ABCA13: variants seen among roughly 807,000 people sequenced by gnomAD.
ABCA13 encodes ATP-binding cassette sub-family A member 13.
Under a neutral mutation model 478.7 loss-of-function variants are expected in ABCA13, and 476 were observed. The observed-to-expected ratio is 0.99, with a 90% CI of 0.92 to 1.07. The LOEUF (loss-of-function observed/expected upper bound fraction) is 1.07, where lower values mean the gene tolerates loss of function less well. Among genes scored for constraint, ABCA13 ranks in the 50% least tolerant of loss-of-function variants. The pLI is 0.00. For missense variants in ABCA13, 6,060 were observed against 5,910.6 expected, an observed-to-expected ratio of 1.03 and a Z score of -0.83; for synonymous variants, 2,252 against 2,158.9, an observed-to-expected ratio of 1.04 and a Z score of -1.20.
At chr7:48,521,783 A>G (rs1315053522) in intron 53 of ABCA13, among the ~76,000 whole-genome samples, 1 of 152,190 alleles carries the variant, frequency 6.6e-6, no homozygotes, top group Non-Finnish European at 1.5e-5. Context: ...TACCCACAGT[A>G]AAGAGTCAAT....
intron 15 of ABCA13, among the ~76,000 whole-genome samples, chr7:48,263,894 A>G (rs1449042100): frequency 6.6e-6 from 1 of 151,900 alleles, no homozygotes; most frequent in Non-Finnish European, 1.5e-5. Flanking sequence ...TGTAATCACA[A>G]TTAAGACAGT....
intron 38 of ABCA13, among the ~76,000 whole-genome samples, chr7:48,396,788 G>A (rs1273282836): frequency 6.6e-6 from 1 of 152,192 alleles, no homozygotes; most frequent in Non-Finnish European, 1.5e-5. Flanking sequence ...CAGGGCAGGT[G>A]TGTCACTAGC....
At chr7:48,201,334 C>G (rs1798677395) in intron 3 of ABCA13, among the ~76,000 whole-genome samples, 2 of 152,180 alleles carry the variant, frequency 1.3e-5, no homozygotes, top group African/African-American at 4.8e-5. Flanking sequence ...GGAGTGTTAT[C>G]TCCCTGAGCA....
intron 15 of ABCA13, 132 bp downstream of exon 15, chr7:48,249,483 C>A: frequency 1.7e-6 from 2 of 1,168,580 alleles, no homozygotes; most frequent in Non-Finnish European, 2.5e-6. Context: ...CACAATTTGG[C>A]ATTGTGATTA....
chr7:48,481,183 A>G (rs4472462), intron 46 of ABCA13, 29 bp downstream of exon 46: 26 of 1,486,374 alleles, frequency 1.7e-5, no homozygotes, highest in Non-Finnish European at 2.3e-5. Flanking sequence ...TTGGGTCTTT[A>G]CTTGTTTGGA....
intron 43 of ABCA13, among the ~76,000 whole-genome samples, chr7:48,459,539 A>C (rs1826031579): frequency 6.6e-6 from 1 of 152,106 alleles, no homozygotes; most frequent in South Asian, 2.1e-4. Flanking sequence ...GCCCCCTTCC[A>C]AGGATCCTCT....
intron 55 of ABCA13, among the ~76,000 whole-genome samples, chr7:48,564,439 T>C (rs1005138170): frequency 8.8e-6 from 1 of 113,526 alleles, no homozygotes; most frequent in Non-Finnish European, 1.7e-5. Context: ...ACTTTTTTTT[T>C]AATAATAATG....
chr7:48,489,571 G>A lies in ABCA13; in HGVS notation c.13291+227G>A, dbSNP rs544874316. 2.0e-5 allele frequency among the ~76,000 whole-genome samples: 3 copies of A among 152,254 alleles called. No individual in the cohort carries two copies. In the East Asian group the frequency reaches 5.8e-4, roughly 29 times the overall value. On this transcript the variant is annotated intron_variant, in intron 48 of 61. Coordinates refer to ENST00000435803, the MANE Select transcript of ABCA13 (RefSeq NM_152701.5). ...GAACCTGTAACCTCATCTGTAGGAT[G>A]AGGGGAACAAAATGTGACTGGAGAG... is the stretch of plus-strand genomic sequence containing the variant.
At chr7:48,325,050 A>G (rs935575908) in intron 27 of ABCA13, among the ~76,000 whole-genome samples, 3 of 152,162 alleles carry the variant, frequency 2.0e-5, no homozygotes, top group Admixed American at 6.5e-5. Flanking sequence ...CAGAGAACCA[A>G]CAATGTCTTT....
At position 48,275,735 on chromosome 7, in the gene ABCA13, C is replaced by T; in HGVS notation, c.6069C>T (p.Leu2023=). 1.2e-6 allele frequency: 2 copies of T among 1,606,690 alleles called. No homozygotes were observed. Among genetic ancestry groups the T allele is most frequent in the African/African-American group, 2.7e-5 (2 of 74,968 alleles). Reference sequence around the variant, plus strand: ...TAGAAAAAAGTACGCATAATCTACTCTCTTTATTCATGATGCTCCAGAATG... The same window carrying T: ...TAGAAAAAAGTACGCATAATCTACTTTCTTTATTCATGATGCTCCAGAATG... The part of the protein sequence containing the change: ...WSLEKSTHNL[L]SLFMMLQNAN... Residue 2023 remains leucine, a synonymous_variant, in exon 17 of 62, where the codon CTC becomes CTT. Coordinates refer to ENST00000435803, the MANE Select transcript of ABCA13 (RefSeq NM_152701.5).
At chr7:48,230,749 GTCCATCCATCCA>G (rs1012585477) in intron 7 of ABCA13, among the ~76,000 whole-genome samples, 1 of 148,930 alleles carries the variant, frequency 6.7e-6, no homozygotes, top group Non-Finnish European at 1.5e-5. Flanking sequence ...CCATCCATCC[GTCCATCCATCCA>G]TCCATCCATC....
intron 10 of ABCA13, among the ~76,000 whole-genome samples, chr7:48,241,293 A>G (rs1790798096): frequency 6.6e-6 from 1 of 152,190 alleles, no homozygotes. Context: ...CGAATACGGG[A>G]GCAATGTTTG....
chr7:48,292,935 T>TTGAA (rs1262974478), intron 20 of ABCA13, among the ~76,000 whole-genome samples: 19 of 152,176 alleles, frequency 1.2e-4, no homozygotes, highest in Admixed American at 1.1e-3. Flanking sequence ...TAAGTATTTT[T>TTGAA]TGAATGAATG....
chr7:48,453,194 T>C (rs1439059362), intron 42 of ABCA13, among the ~76,000 whole-genome samples: 1 of 152,024 alleles, frequency 6.6e-6, no homozygotes, highest in Non-Finnish European at 1.5e-5. Flanking sequence ...TCTGGGAAGT[T>C]ATAAAAACAC....
At position 48,455,032 on chromosome 7, in the gene ABCA13, T is replaced by A. The variant is rs1825498040; in HGVS notation, c.12566-5T>A. The A allele has an allele frequency of 1.3e-6, 2 of 1,498,238 alleles. No individual in the cohort carries two copies. Among genetic ancestry groups the A allele is most frequent in the Non-Finnish European group, 8.9e-7 (1 of 1,124,576 alleles). The allele number at this position is 1,498,238 out of a possible 1,614,324, so 92.8% of individuals were successfully genotyped here. A position where few individuals can be genotyped will look rare whatever the true frequency, so the allele number is the denominator to read the frequency against. ...CAGCCGCCCTTCCTCCCGCCCGTCC[T>A]GCAGGTGGCTCCCTAGCACGGCCCG... On this transcript the variant is annotated splice_region_variant and splice_polypyrimidine_tract_variant and intron_variant, in intron 42 of 61. Coordinates refer to ENST00000435803, the MANE Select transcript of ABCA13 (RefSeq NM_152701.5).
intron 51 of ABCA13, among the ~76,000 whole-genome samples, chr7:48,513,298 T>TA (rs1831852012): frequency 6.6e-6 from 1 of 152,222 alleles, no homozygotes; most frequent in South Asian, 2.1e-4. Flanking sequence ...AGGGATAGTA[T>TA]ACACGAATTG....
At chr7:48,351,386 TA>T (rs1175918773) in intron 30 of ABCA13, among the ~76,000 whole-genome samples, 1 of 152,216 alleles carries the variant, frequency 6.6e-6, no homozygotes, top group Non-Finnish European at 1.5e-5. Context: ...TATCGCAGAC[TA>T]AAACAAGAGA....
intron 42 of ABCA13, among the ~76,000 whole-genome samples, chr7:48,450,405 A>G (rs1300241153): frequency 6.6e-6 from 1 of 152,240 alleles, no homozygotes; most frequent in Non-Finnish European, 1.5e-5. Flanking sequence ...TAAAAGAGTC[A>G]TAATCTCACC....
intron 27 of ABCA13, among the ~76,000 whole-genome samples, chr7:48,324,992 C>T (rs1353472381): frequency 6.6e-6 from 1 of 152,206 alleles, no homozygotes; most frequent in Admixed American, 6.5e-5. Context: ...AAAAATTGAG[C>T]TAAACGTTAC....
Sources: gnomAD v4.1 joint callset for allele counts (sites outside exome capture counted in the v4.1 genomes callset) on GRCh38, gnomAD v4.1.1 for gene constraint, MANE v1.5 for transcripts, NCBI Gene and HGNC (gene_info 2026-07-23, HGNC 2026-07-21) for gene names.